The following LCN2 variants were observed in gnomAD, a reference collection of about 807,000 sequenced individuals.
LCN2 encodes neutrophil gelatinase-associated lipocalin.
Under a neutral mutation model 26.4 loss-of-function variants are expected in LCN2, and 27 were observed. The ratio of observed to expected loss-of-function variants is 1.02; its 90% CI spans 0.76 to 1.41. LCN2 has a LOEUF of 1.41. LCN2 is among the 40% of genes most tolerant of loss of function. LCN2 has a pLI of 0.00. For synonymous variants in LCN2, 94 were observed against 98.9 expected (o/e 0.95, Z 0.30); for missense variants, 224 against 237.6 (o/e 0.94, Z 0.38).
At chr9:128,151,122 A>G (rs1835002174) in intron 2 of LCN2, among the ~76,000 whole-genome samples, 1 of 152,004 alleles carries the variant, frequency 6.6e-6, no homozygotes, top group Non-Finnish European at 1.5e-5. Flanking sequence ...GAATACAGAC[A>G]GGTTGGGGAG....
intron 5 of LCN2, 33 bp downstream of exon 5, chr9:128,152,317 A>G: frequency 6.3e-7 from 1 of 1,574,838 alleles, no homozygotes; most frequent in Non-Finnish European, 8.7e-7. Context: ...GGACGGGGAC[A>G]TGGGGACTGT....
chr9:128,153,259 T>C lies in LCN2; in HGVS notation c.*8-52T>C, dbSNP rs1446522555. 6 of 1,097,152 alleles carry C rather than the reference T, an allele frequency of 5.5e-6. No homozygotes were observed. The highest frequency in any genetic ancestry group is 5.2e-5 in the Admixed American group (3 of 57,154). The allele number at this position is 1,097,152 out of a possible 1,614,324, so 68.0% of individuals were successfully genotyped here. On this transcript the variant is annotated intron_variant, in intron 6 of 6. Coordinates refer to ENST00000277480, the MANE Select transcript of LCN2 (RefSeq NM_005564.5). This position sits in a 1 kb window ranked among gnomAD's most constrained non-coding sequence, Gnocchi z 5.4. ...CTGTCTTTATTCTGCTGTCCCCATC[T>C]CGGGTGCCTCCCATTTCCCCACCCA...
intron 3 of LCN2, 52 bp from the exon 4 acceptor site, chr9:128,151,854 C>T (rs1835010360): frequency 6.2e-7 from 1 of 1,610,148 alleles, no homozygotes; most frequent in Admixed American, 1.7e-5. Flanking sequence ...GAGGGGACAG[C>T]TCCCTCCTCC....
intron 2 of LCN2, among the ~76,000 whole-genome samples, chr9:128,150,913 G>C (rs1430259147): frequency 1.3e-5 from 2 of 152,240 alleles, no homozygotes; most frequent in Non-Finnish European, 1.5e-5. Flanking sequence ...CAGGGCTCTT[G>C]GGCCGCAGGG....
chr9:128,153,216 T>G lies in LCN2; in HGVS notation c.*7+90T>G. On this transcript the variant is annotated intron_variant, in intron 6 of 6. Transcript: ENST00000277480. The surrounding 1 kb of genome is among the most constrained non-coding windows in gnomAD (Gnocchi z 5.4). ...TTGGGCCTGCCTTTGCTCATCCCCCTGCCCCCCAGCACTGCTGCTGTCTTT... is the reference window on the plus strand; with the variant it reads ...TTGGGCCTGCCTTTGCTCATCCCCCGGCCCCCCAGCACTGCTGCTGTCTTT... 1 of 1,473,786 alleles carries G rather than the reference T, an allele frequency of 6.8e-7. No individual in the cohort carries two copies. 91.3% of individuals were successfully genotyped at this position (1,473,786 alleles called of 1,614,324 possible). A position where few individuals can be genotyped will look rare whatever the true frequency, so the allele number is the denominator to read the frequency against.
rs966723657 is a variant in LCN2 at position 128,150,322 on chromosome 9, A to G, written c.223A>G (p.Ile75Val). 1 of 1,614,196 alleles carries G rather than the reference A, an allele frequency of 6.2e-7. No homozygotes were observed. Among genetic ancestry groups the G allele is most frequent in the Non-Finnish European group, 8.5e-7 (1 of 1,180,034 alleles). The change falls in exon 2 of 7, where the codon ATC (isoleucine) becomes GTC (valine). Residue 75 changes from isoleucine (I) to valine (V), a missense_variant. Coordinates refer to ENST00000277480, the MANE Select transcript of LCN2 (RefSeq NM_005564.5). The stretch of plus-strand genomic sequence containing the variant: ...AGACCCGCAAAAGATGTATGCCACC[A>G]TCTATGAGCTGAAAGAAGACAAGAG... ...DKDPQKMYAT[I>V]YELKEDKSYN...
intron 1 of LCN2, 88 bp from the exon 2 acceptor site, chr9:128,150,150 G>A: frequency 6.6e-7 from 1 of 1,521,102 alleles, no homozygotes; most frequent in Admixed American, 2.0e-5. Flanking sequence ...GTTCCAAGCT[G>A]GGCGGCCCAG....
chr9:128,151,595 C>T, intron 2 of LCN2, 43 bp from the exon 3 acceptor site: 1 of 1,524,306 alleles, frequency 6.6e-7, no homozygotes, highest in East Asian at 2.3e-5. Context: ...AGGCCCAAGC[C>T]TGGGTTGTCT....
intron 2 of LCN2, 34 bp downstream of exon 2, chr9:128,150,408 C>A (rs1443626329): frequency 6.2e-7 from 1 of 1,614,094 alleles, no homozygotes; most frequent in South Asian, 1.1e-5. Context: ...GTGTGAGAGT[C>A]AGACTGACGT....
rs747675011 is a variant in LCN2, at chr9:128,152,205, G to A, written c.498G>A (p.Ser166=). Residue 166 remains serine (S), a synonymous_variant, in exon 5 of 7, where the codon TCG becomes TCA. Transcript: ENST00000277480. ...TLYGRTKELT[S]ELKENFIRFS... is the part of the protein sequence containing the mutation. ...CAGGGAGAACCAAGGAGCTGACTTC[G>A]GAACTAAAGGAGAACTTCATCCGCT... is the stretch of plus-strand genomic sequence containing the variant. The A allele has an allele frequency of 5.6e-6, 9 of 1,613,998 alleles. No individual in the cohort carries two copies. The highest frequency in any genetic ancestry group is 5.3e-5 in the African/African-American group (4 of 74,928).
intron 5 of LCN2, 61 bp downstream of exon 5, chr9:128,152,345 C>CGGA (rs1229971719): frequency 6.9e-7 from 1 of 1,439,832 alleles, no homozygotes; most frequent in Non-Finnish European, 9.8e-7. Flanking sequence ...GGATGCTTCC[C>CGGA]TACCAGGGAT....
intron 3 of LCN2, 73 bp from the exon 4 acceptor site, chr9:128,151,833 G>A (rs921527809): frequency 3.6e-4 from 581 of 1,604,292 alleles, no homozygotes; most frequent in Non-Finnish European, 4.7e-4. Context: ...CACGTTGATG[G>A]GCTGGGGAGG....
chr9:128,151,664 G>C lies in LCN2; in HGVS notation c.302G>C (p.Arg101Thr), dbSNP rs763436514. The change falls in exon 3 of 7, where the codon AGG becomes ACG. Residue 101 changes from arginine (R) to threonine (T), a missense_variant. Arg to Thr is a moderately conservative substitution (Grantham distance 71, BLOSUM62 -1). Coordinates refer to ENST00000277480, the MANE Select transcript of LCN2 (RefSeq NM_005564.5). ...AAAAAGAAGTGTGACTACTGGATCA[G>C]GACTTTTGTTCCAGGTTGCCAGCCC... ...FRKKKCDYWI[R>T]TFVPGCQPGE... 4.3e-6 allele frequency: 7 copies of C among 1,613,978 alleles called. No individual in the cohort carries two copies. The Admixed American group carries it at 1.2e-4, about 27-fold the overall frequency.
Position 128,151,938 on chromosome 9 carries a change from G to A in LCN2, c.388G>A (p.Val130Met). Residue 130 changes from valine (V) to methionine (M), a missense_variant, in exon 4 of 7, where the codon GTG becomes ATG. Physicochemically the swap from Val to Met is conservative, Grantham distance 21 (BLOSUM62 1). Transcript: ENST00000277480. The part of the protein sequence containing the change: ...YPGLTSYLVR[V>M]VSTNYNQHAM... ...TGGATTAACGAGTTACCTCGTCCGA[G>A]TGGTGAGCACCAACTACAACCAGCA... The A allele has an allele frequency of 6.2e-7, 1 of 1,614,142 alleles. No homozygotes were observed. The highest frequency in any genetic ancestry group is 8.5e-7 in the Non-Finnish European group (1 of 1,180,002).
At chr9:128,149,714 G>A (rs1460186660) in intron 1 of LCN2, 51 bp downstream of exon 1, 3 of 1,606,890 alleles carry the variant, frequency 1.9e-6, no homozygotes, top group Admixed American at 1.7e-5. Flanking sequence ...AAGAGTGGGA[G>A]CAGAGGGGAG....
chr9:128,150,742 G>A (rs1834998604), intron 2 of LCN2: 10 of 436,148 alleles, frequency 2.3e-5, no homozygotes, highest in South Asian at 1.7e-4. Flanking sequence ...TCCCGGCAGG[G>A]GCTGGAGTCA....
Position 128,150,312 on chromosome 9 carries a change from G to T in LCN2, c.213G>T (p.Met71Ile), listed in dbSNP as rs142623708. 17 of 1,614,168 alleles carry T rather than the reference G, an allele frequency of 1.1e-5. No individual in the cohort carries two copies. In the African/African-American group the frequency reaches 2.3e-4, roughly 22 times the overall value. ...ILREDKDPQKMYATIYELKED... is the reference protein window; with the variant it reads ...ILREDKDPQKIYATIYELKED... ...GAGAAGACAAAGACCCGCAAAAGAT[G>T]TATGCCACCATCTATGAGCTGAAAG... The change falls in exon 2 of 7, where the codon ATG becomes ATT. Residue 71 changes from methionine (M) to isoleucine (I), a missense_variant. Met to Ile is a conservative substitution (Grantham distance 10). Coordinates refer to ENST00000277480, the MANE Select transcript of LCN2 (RefSeq NM_005564.5).
chr9:128,153,275 TC>T lies in LCN2; in HGVS notation c.*8-32del. ...GTCCCCATCTCGGGTGCCTCCCATT[TC>T]CCCACCCATCACCCTCATATCCACC... On this transcript the variant is annotated intron_variant, in intron 6 of 6. Coordinates refer to ENST00000277480, the MANE Select transcript of LCN2 (RefSeq NM_005564.5). The surrounding 1 kb of genome is among the most constrained non-coding windows in gnomAD (Gnocchi z 5.4). The T allele has an allele frequency of 1.1e-6, 1 of 896,052 alleles. No individual in the cohort carries two copies. The highest frequency in any genetic ancestry group is 1.8e-6 in the Non-Finnish European group (1 of 556,848). The allele number at this position is 896,052 out of a possible 1,614,324, so 55.5% of individuals were successfully genotyped here. A position where few individuals can be genotyped will look rare whatever the true frequency, so the allele number is the denominator to read the frequency against.
rs995169170 is a variant in LCN2, at chr9:128,151,416, C to A, written c.276-222C>A. The A allele has an allele frequency of 8.2e-6, 5 of 606,386 alleles. No homozygotes were observed. In the African/African-American group the frequency reaches 9.3e-5, roughly 11 times the overall value. The allele number at this position is 606,386 out of a possible 1,614,324, so 37.6% of individuals were successfully genotyped here. On this transcript the variant is annotated intron_variant, in intron 2 of 6. Transcript: ENST00000277480. ...CTGAGTGGGGTCCAGGGGCCCCAGG[C>A]AGGCCAGGAGGGACAGCCTGGTGTC...
Sources: gnomAD v4.1 joint callset for allele counts (sites outside exome capture counted in the v4.1 genomes callset) on GRCh38, gnomAD v4.1.1 for gene constraint, Gnocchi (gnomAD v3.1) non-coding constraint, MANE v1.5 for transcripts, NCBI Gene and HGNC (gene_info 2026-07-23, HGNC 2026-07-21) for gene names.